Variants in HADHB observed in about 807,000 individuals in gnomAD.
The protein encoded by HADHB is trifunctional enzyme subunit beta, mitochondrial.
A neutral mutation model predicts 61.9 loss-of-function variants in HADHB; 50 were observed. The observed-to-expected ratio is 0.81, with a 90% CI of 0.64 to 1.02. The LOEUF (loss-of-function observed/expected upper bound fraction) is 1.02, where lower values mean the gene tolerates loss of function less well. HADHB is among the 50% of genes least tolerant of loss of function. The pLI, the probability that HADHB is intolerant of heterozygous loss-of-function variation, is 0.00. For missense variants in HADHB, 504 were observed against 586.5 expected, an observed-to-expected ratio of 0.86 and a Z score of 1.45; for synonymous variants, 191 against 201.6, an observed-to-expected ratio of 0.95 and a Z score of 0.45.
chr2:26,268,423 A>G (rs1018966919), intron 4 of HADHB, among the ~76,000 whole-genome samples: 1 of 152,186 alleles, frequency 6.6e-6, no homozygotes, highest in African/African-American at 2.4e-5. Context: ...ACAAATTGAG[A>G]TAAGAAAGGA....
At position 26,280,042 on chromosome 2, in the gene HADHB, A is replaced by C; in HGVS notation, c.860A>C (p.Glu287Ala). Residue 287 changes from glutamate to alanine, a missense_variant, in exon 10 of 16, where the codon GAG becomes GCG. By Grantham distance (107) the Glu-to-Ala change is moderately radical (BLOSUM62 -1). Transcript: ENST00000317799. ...AATGGCATCCGTCCTTCCTCACTGGAGCAGATGGCCAAACTAAAACCTGCA... is the reference window on the plus strand; with the variant it reads ...AATGGCATCCGTCCTTCCTCACTGGCGCAGATGGCCAAACTAAAACCTGCA... The part of the protein sequence containing the change: ...KDNGIRPSSL[E>A]QMAKLKPAFI... 1 of 1,609,440 alleles carries C rather than the reference A, an allele frequency of 6.2e-7. No homozygotes were observed. The highest frequency in any genetic ancestry group is 8.5e-7 in the Non-Finnish European group (1 of 1,176,532).
rs1432044632 is a variant in HADHB, at chr2:26,273,721, G to A, written c.325G>A (p.Glu109Lys). The A allele has an allele frequency of 6.2e-7, 1 of 1,605,804 alleles. No homozygotes were observed. The highest frequency in any genetic ancestry group is 1.1e-5 in the South Asian group (1 of 90,888). The change falls in exon 6 of 16, where the codon GAA becomes AAA. Residue 109 changes from glutamate to lysine, a missense_variant. Physicochemically the swap from Glu to Lys is moderately conservative, Grantham distance 56. Coordinates refer to ENST00000317799, the MANE Select transcript of HADHB (RefSeq NM_000183.3). ...DYIIFGTVIQ[E>K]VKTSNVAREA... ...TATCATCTTTGGTACAGTTATTCAG[G>A]AAGTGAAAACAAGCAATGTGGCTAG...
chr2:26,253,896 AT>A lies in HADHB; in HGVS notation c.-8-350del, dbSNP rs1357757435. Among the ~76,000 whole-genome samples the A allele has an allele frequency of 3.3e-5, 5 of 151,268 alleles. No individual in the cohort carries two copies. In the East Asian group the frequency reaches 9.7e-4, roughly 29 times the overall value. ...AATAAATAAATAAATAAATAAATAA[AT>A]AAATAAAAATTCCAGCTCTGCCACT... On this transcript the variant is annotated intron_variant, in intron 1 of 15. Transcript: ENST00000317799.
rs368503774 is a variant in HADHB at position 26,270,000 on chromosome 2, A to G, written c.254+3A>G. ...GATTTGGCTAGAGCAGCGCTTACGT[A>G]AGTAAATGCAGTTTCATTTCCGTTC... On this transcript the variant is annotated splice_donor_region_variant and intron_variant, in intron 5 of 15. Coordinates refer to ENST00000317799, the MANE Select transcript of HADHB (RefSeq NM_000183.3). 1.9e-6 allele frequency: 3 copies of G among 1,585,346 alleles called. No homozygotes were observed. Among genetic ancestry groups the G allele is most frequent in the Non-Finnish European group, 1.7e-6 (2 of 1,153,988 alleles).
chr2:26,273,731 C>A lies in HADHB; in HGVS notation c.335C>A (p.Thr112Lys). 6.3e-7 allele frequency: 1 copy of A among 1,588,862 alleles called. No individual in the cohort carries two copies. Among genetic ancestry groups the A allele is most frequent in the Non-Finnish European group, 8.6e-7 (1 of 1,157,172 alleles). The part of the protein sequence containing the change: ...IFGTVIQEVK[T>K]SNVAREAALG... ...GGTACAGTTATTCAGGAAGTGAAAA[C>A]AAGCAATGTGGCTAGAGAGGTGAGT... Residue 112 changes from threonine (T) to lysine (K), a missense_variant, in exon 6 of 16, where the codon ACA becomes AAA. Transcript: ENST00000317799.
At chr2:26,278,864 A>G in intron 8 of HADHB, 63 bp downstream of exon 8, 1 of 1,318,076 alleles carries the variant, frequency 7.6e-7, no homozygotes, top group East Asian at 2.3e-5. Flanking sequence ...GGCAGTGTGG[A>G]CTCTGCTATG....
chr2:26,268,530 T>C (rs1469833812), intron 4 of HADHB, among the ~76,000 whole-genome samples: 1 of 152,220 alleles, frequency 6.6e-6, no homozygotes, highest in Non-Finnish European at 1.5e-5. Context: ...TGATATCATG[T>C]GCCCCCTGAT....
At chr2:26,247,304 T>C (rs1558337481) in intron 1 of HADHB, among the ~76,000 whole-genome samples, 2 of 152,210 alleles carry the variant, frequency 1.3e-5, no homozygotes, top group Non-Finnish European at 2.9e-5. Context: ...TTCTGAAGTT[T>C]AGCAAATGAC....
rs1558365429 is a variant in HADHB, at chr2:26,290,446, T to C, written c.*493T>C. Reference sequence around the variant, plus strand: ...ACATAAATATGGTGGTCAGCGTTAATAAAGTGGAGAAATATTGGAGAACTG... The same window carrying C: ...ACATAAATATGGTGGTCAGCGTTAACAAAGTGGAGAAATATTGGAGAACTG... On this transcript the variant is annotated 3_prime_UTR_variant, in exon 16 of 16. Transcript: ENST00000317799. The C allele has an allele frequency of 5.8e-6, 1 of 173,608 alleles. No homozygotes were observed. The highest frequency in any genetic ancestry group is 1.2e-5 in the Non-Finnish European group (1 of 80,398). 10.8% of individuals were successfully genotyped at this position (173,608 alleles called of 1,614,324 possible).
At chr2:26,267,727 G>A (rs944716422) in intron 4 of HADHB, among the ~76,000 whole-genome samples, 10 of 148,884 alleles carry the variant, frequency 6.7e-5, no homozygotes, top group African/African-American at 1.2e-4. Context: ...AGCCGACATC[G>A]TGCCACTGCA....
rs1432287496 is a variant in HADHB, at chr2:26,272,697, A to T, written c.255-954A>T. Reference sequence around the variant, plus strand: ...GTGCTTCCTTACTTTTGGCACAAAAAAGATGGAAATTCACTTTGTACTTTC... The same window carrying T: ...GTGCTTCCTTACTTTTGGCACAAAATAGATGGAAATTCACTTTGTACTTTC... On this transcript the variant is annotated intron_variant, in intron 5 of 15. Coordinates refer to ENST00000317799, the MANE Select transcript of HADHB (RefSeq NM_000183.3). Among the ~76,000 whole-genome samples the T allele has an allele frequency of 2.0e-5, 3 of 152,164 alleles. No individual in the cohort carries two copies. In the East Asian group the frequency reaches 5.8e-4, roughly 29 times the overall value.
chr2:26,254,596 G>A (rs1161640322), intron 3 of HADHB, 122 bp downstream of exon 3: 1 of 711,024 alleles, frequency 1.4e-6, no homozygotes, highest in Non-Finnish European at 2.6e-6. Context: ...ATGAGCACAT[G>A]AACATCTCTG....
intron 1 of HADHB, chr2:26,245,280 GGGT>G: frequency 6.0e-6 from 1 of 165,336 alleles, no homozygotes; most frequent in Non-Finnish European, 1.3e-5. Context: ...GTGTGTGTGT[GGGT>G]GTGTGTGGGC....
At chr2:26,267,098 G>T (rs1672118465) in intron 4 of HADHB, among the ~76,000 whole-genome samples, 2 of 151,976 alleles carry the variant, frequency 1.3e-5, no homozygotes, top group Non-Finnish European at 2.9e-5. Context: ...TCAGGGACTT[G>T]AAGAATGAAT....
chr2:26,286,306 A>G (rs760793768), intron 15 of HADHB, among the ~76,000 whole-genome samples: 2 of 152,092 alleles, frequency 1.3e-5, no homozygotes, highest in Non-Finnish European at 2.9e-5. Flanking sequence ...GAGAGAAACT[A>G]TCTTTCTAGA....
At chr2:26,260,944 A>C in intron 3 of HADHB, 1 of 1,002,326 alleles carries the variant, frequency 1.0e-6, no homozygotes, top group South Asian at 1.4e-5. Context: ...TTTTAGCTTC[A>C]ACTAATTGGC....
At chr2:26,285,739 G>GTTTTTTTTTTTTTTTTTT (rs766742523) in intron 15 of HADHB, among the ~76,000 whole-genome samples, 168 bp downstream of exon 15, 11,580 of 64,778 alleles carry the variant, frequency 0.18, 4,037 homozygotes, top group Non-Finnish European at 0.24. Flanking sequence ...TGTTTTTTGG[G>GTTTTTTTTTTTTTTTTTT]TTTTTTTTTT....
Position 26,268,764 on chromosome 2 carries a change from G to A in HADHB, c.210-1189G>A, listed in dbSNP as rs1672205439. Among the ~76,000 whole-genome samples, 5 of 152,296 alleles carry A rather than the reference G, an allele frequency of 3.3e-5. No homozygotes were observed. The South Asian group carries it at 1.0e-3, about 32-fold the overall frequency. On this transcript the variant is annotated intron_variant, in intron 4 of 15. Coordinates refer to ENST00000317799, the MANE Select transcript of HADHB (RefSeq NM_000183.3). ...TGGAACAACTGGTGAGACTCAGATA[G>A]GTAGTAGCTTAGTGAATAGTATTGT...
intron 10 of HADHB, among the ~76,000 whole-genome samples, chr2:26,282,255 T>TC (rs1558359333): frequency 6.9e-6 from 1 of 145,044 alleles, no homozygotes; most frequent in Admixed American, 6.8e-5. Flanking sequence ...TTCTTTCTTT[T>TC]TTTTTTTTTT....
Sources: allele counts gnomAD v4.1 joint callset (sites outside exome capture counted in the v4.1 genomes callset), GRCh38; gene constraint gnomAD v4.1.1; transcripts MANE v1.5; gene names NCBI Gene and HGNC (gene_info 2026-07-23, HGNC 2026-07-21).